Variants in DSG3 observed in about 807,000 individuals in gnomAD.
DSG3 encodes the protein desmoglein 3.
Under a neutral mutation model 85.9 loss-of-function variants are expected in DSG3, and 63 were observed. That is an observed-to-expected ratio of 0.73 (90% CI 0.60 to 0.90). DSG3 has a LOEUF of 0.90. DSG3 is among the 40% of genes least tolerant of loss of function. DSG3 has a pLI of 0.00. For missense variants in DSG3, 1,220 were observed against 1,219.9 expected (o/e 1.00, Z 0.00); for synonymous variants, 447 against 441.9 (o/e 1.01, Z -0.14).
chr18:31,456,398 G>A, intron 1 of DSG3, 42 bp from the exon 2 acceptor site: 1 of 1,251,062 alleles, frequency 8.0e-7, no homozygotes, highest in Middle Eastern at 2.0e-4. Context: ...TTCCTTATTT[G>A]AAGAATTCAC....
At chr18:31,475,094 A>C (rs1478069058) in intron 15 of DSG3, among the ~76,000 whole-genome samples, 2 of 152,188 alleles carry the variant, frequency 1.3e-5, no homozygotes, top group Non-Finnish European at 2.9e-5. Flanking sequence ...GAGGAATGAC[A>C]TGTCAGGAAG....
intron 1 of DSG3, among the ~76,000 whole-genome samples, chr18:31,454,236 C>T (rs1386456021): frequency 6.6e-6 from 1 of 152,128 alleles, no homozygotes; most frequent in Admixed American, 6.5e-5. Flanking sequence ...CTCCAGTTTT[C>T]CTGTAAAGGG....
At chr18:31,460,723 C>T (rs762527390) in intron 6 of DSG3, 110 bp from the exon 7 acceptor site, 2 of 1,022,404 alleles carry the variant, frequency 2.0e-6, no homozygotes, top group Admixed American at 3.3e-5. Flanking sequence ...CCACAAATGT[C>T]TTCTACATAA....
chr18:31,460,967 C>T lies in DSG3; in HGVS notation c.813+6C>T, dbSNP rs374360259. 6.9e-5 allele frequency: 109 copies of T among 1,575,418 alleles called. 1 individual carries two copies. The African/African-American group carries it at 1.3e-3, about 19-fold the overall frequency. The stretch of plus-strand genomic sequence containing the variant: ...CAATGTTTAGAGACTCTCAGGTACA[C>T]CCATTGCTCCTTAAAGAATCATTTA... On this transcript the variant is annotated splice_donor_region_variant and intron_variant, in intron 7 of 15. Coordinates refer to ENST00000257189, the MANE Select transcript of DSG3 (RefSeq NM_001944.3).
At position 31,447,927 on chromosome 18, in the gene DSG3, T is replaced by A; in HGVS notation, c.48+2T>A. 1 of 1,581,542 alleles carries A rather than the reference T, an allele frequency of 6.3e-7. No individual in the cohort carries two copies. The highest frequency in any genetic ancestry group is 8.6e-7 in the Non-Finnish European group (1 of 1,165,904). On this transcript the variant is annotated splice_donor_variant, in intron 1 of 15. Transcript: ENST00000257189. LOFTEE classifies it high-confidence loss of function. ...ACAGGGGCTCTGGCCATCTTCGTGG[T>A]AAGTCCTGGATTTTCCTAATAATCA...
chr18:31,466,435 G>A lies in DSG3; in HGVS notation c.1412-95G>A, dbSNP rs2035042. On this transcript the variant is annotated intron_variant, in intron 10 of 15. Coordinates refer to ENST00000257189, the MANE Select transcript of DSG3 (RefSeq NM_001944.3). ...ATAGTATTTCATGAGAAGACACACT[G>A]AGTTGGCTACAGAAAAGAGAAATGT... The A allele has an allele frequency of 0.39, 403,132 of 1,031,594 alleles. 81,654 individuals are homozygous for A. Among genetic ancestry groups the A allele is most frequent in the African/African-American group, 0.47 (29,504 of 62,948 alleles). 63.9% of individuals were successfully genotyped at this position (1,031,594 alleles called of 1,614,324 possible).
Position 31,474,317 on chromosome 18 carries a change from G to A in DSG3, c.2298G>A (p.Met766Ile). Residue 766 changes from methionine to isoleucine, a missense_variant, in exon 15 of 16, where the codon ATG becomes ATA. Met to Ile is a conservative substitution (Grantham distance 10). Coordinates refer to ENST00000257189, the MANE Select transcript of DSG3 (RefSeq NM_001944.3). ...GTTCCTCAGGGCAGTCTGGAACCATGAGAACAAGGCATTCCACTGGAGGAA... is the reference window on the plus strand; with the variant it reads ...GTTCCTCAGGGCAGTCTGGAACCATAAGAACAAGGCATTCCACTGGAGGAA... ...GICSSGQSGT[M>I]RTRHSTGGTN... 1 of 1,614,110 alleles carries A rather than the reference G, an allele frequency of 6.2e-7. No individual in the cohort carries two copies. Among genetic ancestry groups the A allele is most frequent in the Non-Finnish European group, 8.5e-7 (1 of 1,180,038 alleles).
At chr18:31,459,810 C>T (rs2072772249) in intron 5 of DSG3, 35 bp from the exon 6 acceptor site, 1 of 1,551,026 alleles carries the variant, frequency 6.4e-7, no homozygotes, top group African/African-American at 1.4e-5. Flanking sequence ...TTAATTGTTA[C>T]ATATTCTTTA....
chr18:31,448,655 C>CAAAG (rs1555665517), intron 1 of DSG3, among the ~76,000 whole-genome samples: 2 of 131,322 alleles, frequency 1.5e-5, no homozygotes, highest in African/African-American at 5.5e-5. Context: ...GTTCTTATAG[C>CAAAG]AAAAAAAAAA....
intron 6 of DSG3, 73 bp downstream of exon 6, chr18:31,460,084 C>T (rs1298589856): frequency 1.2e-5 from 17 of 1,459,108 alleles, no homozygotes; most frequent in Non-Finnish European, 1.6e-5. Context: ...GAGGTGACTC[C>T]ATTTTACCCG....
chr18:31,448,496 A>G (rs2072692108), intron 1 of DSG3, among the ~76,000 whole-genome samples: 1 of 152,210 alleles, frequency 6.6e-6, no homozygotes, highest in African/African-American at 2.4e-5. Flanking sequence ...ATGGGGGGAA[A>G]GACATACAAC....
chr18:31,461,006 T>G (rs536261088), intron 7 of DSG3, 45 bp downstream of exon 7: 1 of 1,517,412 alleles, frequency 6.6e-7, no homozygotes, highest in African/African-American at 1.4e-5. Context: ...ATATATTTAA[T>G]ACTTTGAAAT....
In DSG3 at chr18:31,447,901, T is replaced by G. The variant is rs780642197; in HGVS notation, c.24T>G (p.Thr8=). 10 of 1,590,492 alleles carry G rather than the reference T, an allele frequency of 6.3e-6. No homozygotes were observed. The highest frequency in any genetic ancestry group is 1.1e-5 in the South Asian group (1 of 88,042). Residue 8 remains threonine, a synonymous_variant, in exon 1 of 16, where the codon ACT becomes ACG. Transcript: ENST00000257189. MMGLFPR[T]TGALAIFVVV... ...CAATGATGGGGCTCTTCCCCAGAACTACAGGGGCTCTGGCCATCTTCGTGG... is the reference window on the plus strand; with the variant it reads ...CAATGATGGGGCTCTTCCCCAGAACGACAGGGGCTCTGGCCATCTTCGTGG...
chr18:31,475,816 A>T lies in DSG3; in HGVS notation c.2556A>T (p.Lys852Asn). ...DDSFLDSLGP[K>N]FKKLAEISLG... ...GCTTCTTGGACTCACTTGGACCCAA[A>T]TTTAAAAAACTTGCAGAGATAAGCC... Residue 852 changes from lysine (K) to asparagine (N), a missense_variant, in exon 16 of 16, where the codon AAA becomes AAT. By Grantham distance (94) the Lys-to-Asn change is moderately conservative (BLOSUM62 0). Coordinates refer to ENST00000257189, the MANE Select transcript of DSG3 (RefSeq NM_001944.3). The T allele has an allele frequency of 6.2e-7, 1 of 1,614,204 alleles. No homozygotes were observed. The highest frequency in any genetic ancestry group is 8.5e-7 in the Non-Finnish European group (1 of 1,180,044).
At position 31,466,763 on chromosome 18, in the gene DSG3, C is replaced by G. The variant is rs1320552704; in HGVS notation, c.1636+9C>G. 4 of 1,610,828 alleles carry G rather than the reference C, an allele frequency of 2.5e-6. No homozygotes were observed. Among genetic ancestry groups the G allele is most frequent in the South Asian group, 1.1e-5 (1 of 90,980 alleles). On this transcript the variant is annotated intron_variant, in intron 11 of 15. Transcript: ENST00000257189. ...TATCACAACCCTCAATGGTGAGTAA[C>G]AGTAAAGTTGCTTCTATAAATGCAA...
chr18:31,453,782 G>A (rs1472489377), intron 1 of DSG3, among the ~76,000 whole-genome samples: 1 of 152,000 alleles, frequency 6.6e-6, no homozygotes, highest in Non-Finnish European at 1.5e-5. Flanking sequence ...TTCCAATCCA[G>A]GCCACCAAAA....
intron 3 of DSG3, 79 bp downstream of exon 3, chr18:31,457,203 A>G (rs2072747796): frequency 1.4e-6 from 2 of 1,448,718 alleles, no homozygotes; most frequent in African/African-American, 2.9e-5. Context: ...GGCAATTCCA[A>G]ATAACAAAAT....
chr18:31,450,487 G>A (rs72922886), intron 1 of DSG3, among the ~76,000 whole-genome samples: 3,298 of 152,278 alleles, frequency 0.022, 51 homozygotes, highest in African/African-American at 0.034. Flanking sequence ...TGGTCATGGG[G>A]GGGAAAAGCA....
At chr18:31,471,501 G>A (rs559669752) in intron 12 of DSG3, among the ~76,000 whole-genome samples, 1 of 152,290 alleles carries the variant, frequency 6.6e-6, no homozygotes, top group South Asian at 2.1e-4. Flanking sequence ...TCACTAAGCT[G>A]CCTCTAAGTG....
Sources: allele counts gnomAD v4.1 joint callset (sites outside exome capture counted in the v4.1 genomes callset), GRCh38; gene constraint gnomAD v4.1.1; transcripts MANE v1.5; gene names NCBI Gene and HGNC (gene_info 2026-07-23, HGNC 2026-07-21).